AP3B1: variants seen among roughly 807,000 people sequenced by gnomAD.
The protein encoded by AP3B1 is adaptor related protein complex 3 subunit beta 1.
In AP3B1, 61 loss-of-function variants were observed where a neutral mutation model predicts 132.5. The ratio of observed to expected loss-of-function variants is 0.46; its 90% CI spans 0.37 to 0.57. The LOEUF (loss-of-function observed/expected upper bound fraction) is 0.57, where lower values mean the gene tolerates loss of function less well. AP3B1 is among the 20% of genes least tolerant of loss of function. The pLI is 0.00. For missense variants in AP3B1, 1,120 were observed against 1,289.4 expected (o/e 0.87, Z 2.01); for synonymous variants, 388 against 438.3 (o/e 0.89, Z 1.43).
intron 15 of AP3B1, among the ~76,000 whole-genome samples, chr5:78,139,473 G>C (rs1753056267): frequency 6.6e-6 from 1 of 151,984 alleles, no homozygotes; most frequent in African/African-American, 2.4e-5. Flanking sequence ...ACAGACACTT[G>C]GAAAGGATTA....
In AP3B1 at chr5:78,179,547, T is replaced by C. The variant is rs545570691; in HGVS notation, c.942+1960A>G. On this transcript the variant is annotated intron_variant, in intron 8 of 26. Coordinates refer to ENST00000255194, the MANE Select transcript of AP3B1 (RefSeq NM_003664.5). ...CTTCAAAATCCAAAAAGACTAAAAA[T>C]ATACAACCTTATAGACCTTCTACAG... is the stretch of plus-strand genomic sequence containing the variant. Among the ~76,000 whole-genome samples the C allele has an allele frequency of 3.2e-4, 49 of 152,234 alleles. 1 individual carries two copies. The highest frequency in any genetic ancestry group is 1.5e-3 in the South Asian group (7 of 4,826).
chr5:78,259,021 A>C (rs1747965926), intron 2 of AP3B1, among the ~76,000 whole-genome samples: 1 of 152,034 alleles, frequency 6.6e-6, no homozygotes, highest in Admixed American at 6.5e-5. Flanking sequence ...ACGGATCATG[A>C]GATCAGGAGA....
chr5:78,201,826 C>A (rs369572785), intron 7 of AP3B1, among the ~76,000 whole-genome samples: 6 of 152,102 alleles, frequency 3.9e-5, no homozygotes, highest in Admixed American at 6.6e-5. Context: ...GAAAAAGAGA[C>A]GTTGTCCTCC....
intron 13 of AP3B1, among the ~76,000 whole-genome samples, chr5:78,161,990 T>C (rs1316885098): frequency 1.3e-5 from 2 of 152,116 alleles, no homozygotes; most frequent in African/African-American, 2.4e-5. Flanking sequence ...TATATGCCCA[T>C]ATCTAGACAT....
chr5:78,216,313 T>C lies in AP3B1; in HGVS notation c.604-76A>G, dbSNP rs895642933. The stretch of plus-strand genomic sequence containing the variant: ...CAAAGGTCTTACTCAGGCATTATAG[T>C]AATCAGTTTCATGCCAATCAGTATT... On this transcript the variant is annotated intron_variant, in intron 6 of 26. Coordinates refer to ENST00000255194, the MANE Select transcript of AP3B1 (RefSeq NM_003664.5). 1.0e-5 allele frequency: 14 copies of C among 1,368,140 alleles called. No homozygotes were observed. The African/African-American group carries it at 1.3e-4, about 13-fold the overall frequency. The allele number at this position is 1,368,140 out of a possible 1,614,324, so 84.8% of individuals were successfully genotyped here.
At chr5:78,195,307 T>C (rs1182634869) in intron 7 of AP3B1, among the ~76,000 whole-genome samples, 1 of 152,210 alleles carries the variant, frequency 6.6e-6, no homozygotes, top group Admixed American at 6.5e-5. Context: ...TCAGCCATAC[T>C]TTTATGTATG....
At chr5:78,177,818 C>T (rs113227435) in intron 8 of AP3B1, among the ~76,000 whole-genome samples, 2,147 of 152,256 alleles carry the variant, frequency 0.014, 58 homozygotes, top group African/African-American at 0.049. Context: ...AGCAATGCCA[C>T]GGATTGCTGG....
At chr5:78,121,369 C>A (rs1164639997) in intron 17 of AP3B1, among the ~76,000 whole-genome samples, 2 of 151,982 alleles carry the variant, frequency 1.3e-5, no homozygotes, top group African/African-American at 4.8e-5. Context: ...GAAATAGAGA[C>A]AGAAAAAACC....
rs71301504 is a variant in AP3B1 at position 78,249,579 on chromosome 5, CTT to C, written c.205-8645_205-8644del. ...TCTTCAGAATGATTTTTTTCTTTTT[CTT>C]TTTTTTTTTTTTTTTTTTTTGAGAC... On this transcript the variant is annotated intron_variant, in intron 2 of 26. Coordinates refer to ENST00000255194, the MANE Select transcript of AP3B1 (RefSeq NM_003664.5). Among the ~76,000 whole-genome samples, 691 of 104,998 alleles carry C rather than the reference CTT, an allele frequency of 6.6e-3. 2 individuals are homozygous for C. Among genetic ancestry groups the C allele is most frequent in the Middle Eastern group, 0.014 (2 of 148 alleles). 68.9% of individuals were successfully genotyped at this position (104,998 alleles called of 152,430 possible). A position where few individuals can be genotyped will look rare whatever the true frequency, so the allele number is the denominator to read the frequency against.
intron 22 of AP3B1, among the ~76,000 whole-genome samples, chr5:78,072,855 G>T (rs1445637416): frequency 6.7e-6 from 1 of 150,282 alleles, no homozygotes; most frequent in East Asian, 2.0e-4. Flanking sequence ...CTGAGTAGCT[G>T]GGATTAAAGG....
intron 21 of AP3B1, among the ~76,000 whole-genome samples, chr5:78,099,605 C>A (rs1751045220): frequency 6.6e-6 from 1 of 152,080 alleles, no homozygotes; most frequent in Non-Finnish European, 1.5e-5. Flanking sequence ...TGGAAAAGAA[C>A]TGCTAGGTCA....
intron 22 of AP3B1, chr5:78,044,194 T>C (rs1436739320): frequency 5.0e-6 from 1 of 201,412 alleles, no homozygotes; most frequent in African/African-American, 2.4e-5. Context: ...CTCTCCGACA[T>C]GCACATGGCA....
Position 78,095,753 on chromosome 5 carries a change from C to T in AP3B1, c.2470+5200G>A, listed in dbSNP as rs568626662. Among the ~76,000 whole-genome samples, 14 of 152,258 alleles carry T rather than the reference C, an allele frequency of 9.2e-5. 1 individual carries two copies. In the East Asian group the frequency reaches 2.5e-3, roughly 27 times the overall value. On this transcript the variant is annotated intron_variant, in intron 21 of 26. Transcript: ENST00000255194. ...TCTATTACAGCACCTACTAAAGTAC[C>T]TTGCACTTAGCAGACAATCCAGAAA...
intron 7 of AP3B1, among the ~76,000 whole-genome samples, chr5:78,205,922 T>A (rs749887743): frequency 1.3e-5 from 2 of 152,202 alleles, no homozygotes; most frequent in Non-Finnish European, 1.5e-5. Flanking sequence ...GTACTTTATA[T>A]GAAAATGTAT....
chr5:78,219,775 GA>G (rs1443295018), intron 6 of AP3B1, among the ~76,000 whole-genome samples: 10 of 152,008 alleles, frequency 6.6e-5, no homozygotes, highest in African/African-American at 2.4e-4. Context: ...TCAATTGAAA[GA>G]AAATATCCTC....
rs185604513 is a variant in AP3B1, at chr5:78,120,986, G to A, written c.1969-4752C>T. Reference sequence around the variant, plus strand: ...AATGTAATAGAACAGAAATTATAACGAACTGTCTCTCAGACCACAGTGCAA... The same window carrying A: ...AATGTAATAGAACAGAAATTATAACAAACTGTCTCTCAGACCACAGTGCAA... On this transcript the variant is annotated intron_variant, in intron 17 of 26. Coordinates refer to ENST00000255194, the MANE Select transcript of AP3B1 (RefSeq NM_003664.5). 3.5e-3 allele frequency among the ~76,000 whole-genome samples: 535 copies of A among 152,034 alleles called. 2 individuals are homozygous for A. Among genetic ancestry groups the A allele is most frequent in the African/African-American group, 0.012 (505 of 41,478 alleles).
intron 21 of AP3B1, among the ~76,000 whole-genome samples, chr5:78,097,274 G>C (rs1468604761): frequency 4.1e-5 from 5 of 120,570 alleles, no homozygotes; most frequent in Non-Finnish European, 7.6e-5. Context: ...CACCCCGTCC[G>C]GGAGGGAGGT....
chr5:78,044,341 C>T (rs140177131), intron 22 of AP3B1, among the ~76,000 whole-genome samples: 49 of 152,306 alleles, frequency 3.2e-4, no homozygotes, highest in African/African-American at 1.1e-3. Flanking sequence ...AAGCTCTTAT[C>T]TGGCTAATTA....
chr5:78,098,015 T>C (rs1203780416), intron 21 of AP3B1, among the ~76,000 whole-genome samples: 10 of 152,084 alleles, frequency 6.6e-5, no homozygotes, highest in Non-Finnish European at 1.3e-4. Context: ...ATGTGCTGTG[T>C]CCACTCAGGG....
Sources: gnomAD v4.1 joint callset for allele counts (sites outside exome capture counted in the v4.1 genomes callset) on GRCh38, gnomAD v4.1.1 for gene constraint, MANE v1.5 for transcripts, NCBI Gene and HGNC (gene_info 2026-07-23, HGNC 2026-07-21) for gene names.